Variants in ZFYVE9 observed in about 807,000 individuals in gnomAD.
ZFYVE9 encodes zinc finger FYVE domain-containing protein 9.
Under a neutral mutation model 126.7 loss-of-function variants are expected in ZFYVE9, and 43 were observed. That is an observed-to-expected ratio of 0.34 (90% confidence interval 0.27 to 0.44). The LOEUF is 0.44. Among genes scored for constraint, ZFYVE9 ranks in the 20% least tolerant of loss-of-function variants. ZFYVE9 has a pLI of 1.00. For synonymous variants in ZFYVE9, 521 were observed against 597.4 expected (o/e 0.87, Z 1.87); for missense variants, 1,476 against 1,697.0 (o/e 0.87, Z 2.29).
chr1:52,190,049 C>T (rs1557447260), intron 1 of ZFYVE9: 1 of 158,196 alleles, frequency 6.3e-6, no homozygotes, highest in Admixed American at 6.4e-5. Context: ...TATATATAGA[C>T]CTCATTTCGT....
intron 4 of ZFYVE9, among the ~76,000 whole-genome samples, chr1:52,262,969 A>G (rs1007323389): frequency 2.0e-5 from 3 of 151,534 alleles, no homozygotes; most frequent in African/African-American, 7.3e-5. Context: ...CCAGCTACTC[A>G]GGAGGCTCAG....
chr1:52,307,454 C>T (rs894240886), intron 13 of ZFYVE9, among the ~76,000 whole-genome samples: 1 of 152,150 alleles, frequency 6.6e-6, no homozygotes, highest in Non-Finnish European at 1.5e-5. Flanking sequence ...CCAGGCTGGT[C>T]TCAAACTCCT....
chr1:52,315,318 C>T (rs1431354556), intron 13 of ZFYVE9, among the ~76,000 whole-genome samples: 1 of 152,064 alleles, frequency 6.6e-6, no homozygotes, highest in African/African-American at 2.4e-5. Flanking sequence ...TTCCTAGCTA[C>T]TCTCTAGGCT....
chr1:52,161,937 C>CAAA (rs760164661), intron 1 of ZFYVE9, among the ~76,000 whole-genome samples: 2 of 132,264 alleles, frequency 1.5e-5, no homozygotes, highest in African/African-American at 2.7e-5. Context: ...TTAGTAAAAG[C>CAAA]AAAAAAAAAA....
At chr1:52,308,590 C>G (rs1646108143) in intron 13 of ZFYVE9, among the ~76,000 whole-genome samples, 1 of 152,128 alleles carries the variant, frequency 6.6e-6, no homozygotes, top group African/African-American at 2.4e-5. Context: ...ATTTTGTGCT[C>G]TTTTGTTCAT....
At chr1:52,205,694 A>G (rs759836485) in intron 1 of ZFYVE9, among the ~76,000 whole-genome samples, 1 of 152,110 alleles carries the variant, frequency 6.6e-6, no homozygotes, top group Non-Finnish European at 1.5e-5. Flanking sequence ...TTATGCATCT[A>G]AGAAGAGTTG....
intron 1 of ZFYVE9, among the ~76,000 whole-genome samples, chr1:52,205,067 ATTTTTTTTTT>A (rs891218048): frequency 3.4e-5 from 4 of 117,788 alleles, no homozygotes; most frequent in East Asian, 2.3e-4. Context: ...TGTGCTGTGA[ATTTTTTTTTT>A]TTTTTTTTTT....
intron 7 of ZFYVE9, among the ~76,000 whole-genome samples, chr1:52,272,622 T>C (rs758249553): frequency 1.3e-5 from 2 of 152,100 alleles, no homozygotes; most frequent in Non-Finnish European, 2.9e-5. Flanking sequence ...GCCATTCAAA[T>C]TGTTTCCAGT....
At chr1:52,146,947 A>G (rs1644311422) in intron 1 of ZFYVE9, among the ~76,000 whole-genome samples, 1 of 152,214 alleles carries the variant, frequency 6.6e-6, no homozygotes, top group African/African-American at 2.4e-5. Flanking sequence ...CAAAGGTCCA[A>G]AACTTTTTGA....
At chr1:52,217,190 T>G (rs1645079703) in intron 2 of ZFYVE9, among the ~76,000 whole-genome samples, 1 of 152,208 alleles carries the variant, frequency 6.6e-6, no homozygotes, top group Admixed American at 6.5e-5. Flanking sequence ...ACAGTTCCTG[T>G]TTCTGTATCT....
chr1:52,273,388 T>C (rs186658023), intron 7 of ZFYVE9, among the ~76,000 whole-genome samples: 37 of 152,276 alleles, frequency 2.4e-4, no homozygotes, highest in South Asian at 1.0e-3. Flanking sequence ...ATAAAAGTTA[T>C]AGAGAATGTA....
chr1:52,205,041 A>C (rs553458267), intron 1 of ZFYVE9, among the ~76,000 whole-genome samples: 4 of 148,158 alleles, frequency 2.7e-5, no homozygotes, highest in African/African-American at 9.9e-5. Flanking sequence ...TGTCCCTTCG[A>C]ATTTGGGTCA....
intron 12 of ZFYVE9, among the ~76,000 whole-genome samples, chr1:52,301,969 ACAATCT>A (rs941418661): frequency 2.0e-5 from 3 of 152,212 alleles, no homozygotes; most frequent in Non-Finnish European, 4.4e-5. Context: ...AATCTTTTAA[ACAATCT>A]CAATCAAATA....
intron 10 of ZFYVE9, among the ~76,000 whole-genome samples, chr1:52,289,938 A>G (rs1240601376): frequency 6.6e-6 from 1 of 152,194 alleles, no homozygotes. Context: ...TCTAGGCTCT[A>G]ATAGGGAAAT....
chr1:52,292,474 T>C lies in ZFYVE9; in HGVS notation c.3026-979T>C, dbSNP rs1342872616. Among the ~76,000 whole-genome samples, 13 of 143,224 alleles carry C rather than the reference T, an allele frequency of 9.1e-5. No homozygotes were observed. The East Asian group carries it at 1.8e-3, about 20-fold the overall frequency. The allele number at this position is 143,224 out of a possible 152,430, so 94.0% of individuals were successfully genotyped here. A position where few individuals can be genotyped will look rare whatever the true frequency, so the allele number is the denominator to read the frequency against. ...GCTTCCTAATCTGAACATTTCTTTT[T>C]TTTTTTTTTTTTTTTTTGAGACAGT... On this transcript the variant is annotated intron_variant, in intron 10 of 18. Coordinates refer to ENST00000287727, the MANE Select transcript of ZFYVE9 (RefSeq NM_004799.4).
At chr1:52,168,946 CTCCTT>C (rs1345883595) in intron 1 of ZFYVE9, among the ~76,000 whole-genome samples, 5 of 152,006 alleles carry the variant, frequency 3.3e-5, no homozygotes, top group African/African-American at 1.2e-4. Flanking sequence ...CCCCTGGAAA[CTCCTT>C]TCCTATCATC....
At chr1:52,293,763 C>G (rs552177833) in intron 11 of ZFYVE9, 86 bp downstream of exon 11, 1 of 1,303,482 alleles carries the variant, frequency 7.7e-7, no homozygotes, top group Non-Finnish European at 1.1e-6. Context: ...TGATATAATT[C>G]AGCAGAAATA....
chr1:52,147,083 A>G (rs1644312513), intron 1 of ZFYVE9, among the ~76,000 whole-genome samples: 1 of 152,196 alleles, frequency 6.6e-6, no homozygotes, highest in Non-Finnish European at 1.5e-5. Context: ...AGTTACCTTT[A>G]GGCTATGCGT....
chr1:52,336,375 T>G (rs1388435507), intron 15 of ZFYVE9, among the ~76,000 whole-genome samples: 10 of 139,052 alleles, frequency 7.2e-5, no homozygotes, highest in South Asian at 4.6e-4. Flanking sequence ...TTTGTTTTTT[T>G]TTTTTTTTTT....
Sources: allele counts gnomAD v4.1 joint callset (sites outside exome capture counted in the v4.1 genomes callset), GRCh38; gene constraint gnomAD v4.1.1; transcripts MANE v1.5; gene names NCBI Gene and HGNC (gene_info 2026-07-23, HGNC 2026-07-21).